The following VIPR2 variants were observed in gnomAD, a reference collection of about 807,000 sequenced individuals.
The protein encoded by VIPR2 is vasoactive intestinal peptide receptor 2.
VIPR2 carries 48 observed loss-of-function variants against 58.0 expected under a neutral mutation model. The ratio of observed to expected loss-of-function variants is 0.83; its 90% CI spans 0.66 to 1.05. The LOEUF is 1.05. VIPR2 is among the 50% of genes least tolerant of loss of function. The pLI is 0.00. For missense variants in VIPR2, 534 were observed against 558.0 expected (o/e 0.96, Z 0.43); for synonymous variants, 243 against 235.2 (o/e 1.03, Z -0.30).
intron 4 of VIPR2, among the ~76,000 whole-genome samples, chr7:159,059,534 CTT>C (rs1855512548): frequency 1.3e-5 from 2 of 152,302 alleles, no homozygotes; most frequent in Admixed American, 6.5e-5. Context: ...TTAAGTATAA[CTT>C]TACTGTTTAA....
At chr7:159,041,958 C>G (rs1854375354) in intron 6 of VIPR2, among the ~76,000 whole-genome samples, 2 of 152,096 alleles carry the variant, frequency 1.3e-5, no homozygotes, top group Non-Finnish European at 2.9e-5. Context: ...GGGCCCAACT[C>G]CACCTGGGGA....
intron 4 of VIPR2, among the ~76,000 whole-genome samples, chr7:159,082,542 A>G (rs186326024): frequency 2.6e-5 from 4 of 152,350 alleles, no homozygotes; most frequent in Non-Finnish European, 4.4e-5. Flanking sequence ...TGGGTGCAGC[A>G]CACCAACATG....
At chr7:159,078,972 G>A (rs1856778137) in intron 4 of VIPR2, among the ~76,000 whole-genome samples, 1 of 152,064 alleles carries the variant, frequency 6.6e-6, no homozygotes, top group East Asian at 1.9e-4. Flanking sequence ...TCAGCAAATG[G>A]TCTCTGTGAG....
In VIPR2 at chr7:159,103,702, T is replaced by C. The variant is rs531972759; in HGVS notation, c.357+55A>G. The C allele has an allele frequency of 2.2e-6, 3 of 1,348,320 alleles. No homozygotes were observed. The East Asian group carries it at 6.9e-5, about 31-fold the overall frequency. The allele number at this position is 1,348,320 out of a possible 1,614,324, so 83.5% of individuals were successfully genotyped here. On this transcript the variant is annotated intron_variant, in intron 4 of 12. Transcript: ENST00000262178. ...TTCTTGCAGGGCAGGAGGGGGCTTC[T>C]GGTGCAGTGTTAGGAAGTGGAACCT...
In VIPR2 at chr7:159,109,854, C is replaced by T. The variant is rs773960307; in HGVS notation, c.217G>A (p.Val73Met). Reference sequence around the variant, plus strand: ...TTGCTGAAGACTTTTGGGCAGGGCACCGTGACGGTCTCTCCCACATTGGCA... The same window carrying T: ...TTGCTGAAGACTTTTGGGCAGGGCATCGTGACGGTCTCTCCCACATTGGCA... ...RPANVGETVTVPCPKVFSNFY... is the reference protein window; with the variant it reads ...RPANVGETVTMPCPKVFSNFY... The change falls in exon 3 of 13, where the codon GTG (valine) becomes ATG (methionine). Residue 73 changes from valine (V) to methionine (M), a missense_variant. This residue lies in a region of VIPR2 where 224 missense variants were observed against 255.7 expected (regional missense o/e 0.88). Coordinates refer to ENST00000262178, the MANE Select transcript of VIPR2 (RefSeq NM_003382.5). 1 of 1,614,208 alleles carries T rather than the reference C, an allele frequency of 6.2e-7. No homozygotes were observed.
rs189610117 is a variant in VIPR2, at chr7:159,127,227, C to T, written c.151+15219G>A. Among the ~76,000 whole-genome samples the T allele has an allele frequency of 4.1e-4, 63 of 152,304 alleles. 1 individual carries two copies. The East Asian group carries it at 0.01, about 24-fold the overall frequency. ...TGGTGAACTACGGACTGTTGGGAAA[C>T]GCCATCTCCTGGGACACCGCCCTTA... On this transcript the variant is annotated intron_variant, in intron 2 of 12. Transcript: ENST00000262178. The surrounding 1 kb of genome is among the most constrained non-coding windows in gnomAD (Gnocchi z 4.6).
chr7:159,094,792 C>A (rs1359137456), intron 4 of VIPR2, among the ~76,000 whole-genome samples: 1 of 152,108 alleles, frequency 6.6e-6, no homozygotes, highest in South Asian at 2.1e-4. Flanking sequence ...AGAGGGAGAA[C>A]TTATTTTCTT....
intron 6 of VIPR2, among the ~76,000 whole-genome samples, chr7:159,038,658 G>A (rs576699788): frequency 3.3e-5 from 5 of 151,970 alleles, no homozygotes; most frequent in East Asian, 1.9e-4. Flanking sequence ...TTTGTCTCTC[G>A]GTAAAAGACC....
At chr7:159,046,780 A>C (rs1317639778) in intron 5 of VIPR2, among the ~76,000 whole-genome samples, 1 of 152,242 alleles carries the variant, frequency 6.6e-6, no homozygotes, top group Non-Finnish European at 1.5e-5. Context: ...TCTTGCATAA[A>C]AAAGAAAAAT....
Position 159,034,266 on chromosome 7 carries a change from C to CAA in VIPR2, c.916_917dup (p.Leu306PhefsTer6), listed in dbSNP as rs1387789086. ...CATCTGGGGATGTTAACTTCTGCAG[C>CAA]AAAATTCGTATAATACTAATGAAAA... On this transcript the variant is annotated frameshift_variant, in exon 10 of 13. Coordinates refer to ENST00000262178, the MANE Select transcript of VIPR2 (RefSeq NM_003382.5). LOFTEE classifies it high-confidence loss of function. 6.2e-7 allele frequency: 1 copy of CAA among 1,614,050 alleles called. No homozygotes were observed.
chr7:159,131,218 G>A (rs1008249193), intron 2 of VIPR2, among the ~76,000 whole-genome samples: 2 of 152,206 alleles, frequency 1.3e-5, no homozygotes, highest in African/African-American at 4.8e-5. Flanking sequence ...ATTTCACAAA[G>A]TGGATGGTGA....
At position 159,096,219 on chromosome 7, in the gene VIPR2, G is replaced by A. The variant is rs1462718328; in HGVS notation, c.357+7538C>T. Among the ~76,000 whole-genome samples, 1 of 152,188 alleles carries A rather than the reference G, an allele frequency of 6.6e-6. No individual in the cohort carries two copies. On this transcript the variant is annotated intron_variant, in intron 4 of 12. Transcript: ENST00000262178. The surrounding 1 kb of genome is among the most constrained non-coding windows in gnomAD (Gnocchi z 5.5). ...CCCAAAGACAGGCCTCCTATCCATC[G>A]AGGCCCGGAGAGTTTCAACCCCTGC...
At chr7:159,068,098 G>C (rs565252029) in intron 4 of VIPR2, among the ~76,000 whole-genome samples, 2 of 152,344 alleles carry the variant, frequency 1.3e-5, no homozygotes, top group Admixed American at 6.5e-5. Flanking sequence ...GAGGCCAGTG[G>C]TGTGTTTACT....
chr7:159,084,945 C>G (rs918146853), intron 4 of VIPR2, among the ~76,000 whole-genome samples: 9 of 152,236 alleles, frequency 5.9e-5, no homozygotes, highest in Non-Finnish European at 8.8e-5. Context: ...CCAAGGGCAT[C>G]ATGGCCCATG....
chr7:159,047,815 T>C (rs1008496113), intron 5 of VIPR2, among the ~76,000 whole-genome samples: 2 of 152,234 alleles, frequency 1.3e-5, no homozygotes, highest in African/African-American at 2.4e-5. Context: ...GGGTGAGTCA[T>C]GGAAGAATTT....
intron 2 of VIPR2, among the ~76,000 whole-genome samples, chr7:159,132,569 G>A (rs1380717019): frequency 7.9e-5 from 12 of 152,338 alleles, no homozygotes; most frequent in African/African-American, 2.9e-4. Context: ...CTAATTATAT[G>A]TTCAGAAACT....
rs889898771 is a variant in VIPR2 at position 159,029,806 on chromosome 7, T to G, written c.*810A>C. 1 of 152,334 alleles carries G rather than the reference T, an allele frequency of 6.6e-6. No individual in the cohort carries two copies. Among genetic ancestry groups the G allele is most frequent in the African/African-American group, 2.4e-5 (1 of 41,378 alleles). The allele number at this position is 152,334 out of a possible 1,614,324, so 9.4% of individuals were successfully genotyped here. A position where few individuals can be genotyped will look rare whatever the true frequency, so the allele number is the denominator to read the frequency against. On this transcript the variant is annotated 3_prime_UTR_variant, in exon 13 of 13. Coordinates refer to ENST00000262178, the MANE Select transcript of VIPR2 (RefSeq NM_003382.5). ...GGGGAGGCAAAACAGCCCTGTGGAG[T>G]TGGGTGGGGCAGGGCTCAGCCGGGC...
intron 4 of VIPR2, among the ~76,000 whole-genome samples, chr7:159,074,373 A>G (rs1395064868): frequency 2.0e-5 from 3 of 152,194 alleles, no homozygotes; most frequent in Non-Finnish European, 4.4e-5. Context: ...GCCATTTCCT[A>G]TGTTGAAACT....
Position 159,144,751 on chromosome 7 carries a change from G to A in VIPR2, c.21C>T (p.Pro7=). 1 of 1,292,894 alleles carries A rather than the reference G, an allele frequency of 7.7e-7. No individual in the cohort carries two copies. The highest frequency in any genetic ancestry group is 9.8e-7 in the Non-Finnish European group (1 of 1,022,410). The allele number at this position is 1,292,894 out of a possible 1,614,324, so 80.1% of individuals were successfully genotyped here. A position where few individuals can be genotyped will look rare whatever the true frequency, so the allele number is the denominator to read the frequency against. Residue 7 remains proline, a synonymous_variant, in exon 1 of 13, where the codon CCC becomes CCT. Transcript: ENST00000262178. MRTLLP[P]ALLTCWLLAP... Reference sequence around the variant, plus strand: ...CGAGCAGCCAGCAGGTCAGCAGCGCGGGAGGCAGCAGCGTCCGCATCCCGA... The same window carrying A: ...CGAGCAGCCAGCAGGTCAGCAGCGCAGGAGGCAGCAGCGTCCGCATCCCGA...
Sources: allele counts gnomAD v4.1 joint callset (sites outside exome capture counted in the v4.1 genomes callset), GRCh38; gene constraint gnomAD v4.1.1; regional missense constraint gnomAD v4.1.1; non-coding constraint Gnocchi (gnomAD v3.1); transcripts MANE v1.5; gene names NCBI Gene and HGNC (gene_info 2026-07-23, HGNC 2026-07-21).